The following TMEM19 variants were observed in gnomAD, a reference collection of about 807,000 sequenced individuals.
The protein encoded by TMEM19 is transmembrane protein 19.
TMEM19 carries 21 observed loss-of-function variants against 33.6 expected under a neutral mutation model. The ratio of observed to expected loss-of-function variants is 0.62; its 90% CI spans 0.44 to 0.90. TMEM19 has a LOEUF of 0.90. TMEM19 is among the 40% of genes least tolerant of loss of function. The pLI is 0.00. For synonymous variants in TMEM19, 149 were observed against 147.5 expected (o/e 1.01, Z -0.07); for missense variants, 402 against 401.8 (o/e 1.00, Z 0.00).
chr12:71,691,045 C>T (rs189445805), intron 2 of TMEM19, among the ~76,000 whole-genome samples: 25 of 152,256 alleles, frequency 1.6e-4, no homozygotes, highest in African/African-American at 6.0e-4. Context: ...CCCCTTATTT[C>T]ATTTTTAGGG....
chr12:71,700,991 G>A lies in TMEM19; in HGVS notation c.1007G>A (p.Gly336Glu), dbSNP rs1881969144. Residue 336 changes from glycine to glutamate, a missense_variant, in exon 6 of 6, where the codon GGG (glycine) becomes GAG (glutamate). By Grantham distance (98) the Gly-to-Glu change is moderately conservative. Transcript: ENST00000266673. ...PTAAWGFWPR[G>E] ...GCTGCTTGGGGTTTTTGGCCCAGGG[G>A]GTGAACTTTATTTCATTTCCACAGG... 2 of 1,604,944 alleles carry A rather than the reference G, an allele frequency of 1.2e-6. No individual in the cohort carries two copies. The highest frequency in any genetic ancestry group is 8.5e-7 in the Non-Finnish European group (1 of 1,176,006).
At chr12:71,698,872 G>C (rs749524172) in intron 4 of TMEM19, 28 bp from the exon 5 acceptor site, 1 of 1,607,582 alleles carries the variant, frequency 6.2e-7, no homozygotes, top group Non-Finnish European at 8.5e-7. Flanking sequence ...TTATTAACCG[G>C]ATGATTTTCT....
Position 71,697,393 on chromosome 12 carries a change from CAGT to C in TMEM19, c.498_500del (p.Gln166_Tyr167delinsHis). 2 of 1,610,990 alleles carry C rather than the reference CAGT, an allele frequency of 1.2e-6. No individual in the cohort carries two copies. The highest frequency in any genetic ancestry group is 2.2e-5 in the South Asian group (2 of 90,410). ...GGAAATCCCAGTCGATTTTTCCAAG[CAGT>C]ACTCCGCTTCCTGGATGTGTTTGTC... is the stretch of plus-strand genomic sequence containing the variant. On this transcript the variant is annotated inframe_deletion, in exon 4 of 6. Transcript: ENST00000266673.
Position 71,701,049 on chromosome 12 carries a change from T to C in TMEM19, c.*54T>C. ...TGGTGAGTCCAGCTAAATTTGCAAT[T>C]CCAACTTTCATCCTAAGAATAATAA... is the stretch of plus-strand genomic sequence containing the variant. On this transcript the variant is annotated 3_prime_UTR_variant, in exon 6 of 6. Transcript: ENST00000266673. 6.8e-7 allele frequency: 1 copy of C among 1,470,464 alleles called. No homozygotes were observed. Among genetic ancestry groups the C allele is most frequent in the East Asian group, 2.4e-5 (1 of 41,438 alleles). 91.1% of individuals were successfully genotyped at this position (1,470,464 alleles called of 1,614,324 possible).
At position 71,686,827 on chromosome 12, in the gene TMEM19, T is replaced by C. The variant is rs762972185; in HGVS notation, c.130+17T>C. The C allele has an allele frequency of 6.3e-7, 1 of 1,587,338 alleles. No individual in the cohort carries two copies. Among genetic ancestry groups the C allele is most frequent in the Non-Finnish European group, 8.5e-7 (1 of 1,170,086 alleles). On this transcript the variant is annotated intron_variant, in intron 1 of 5. Coordinates refer to ENST00000266673, the MANE Select transcript of TMEM19 (RefSeq NM_018279.4). ...CCTATTATGGTAAGTCTGAGTGTTC[T>C]AAGTTGTTTCTCTGTAATCTAGTCA... is the stretch of plus-strand genomic sequence containing the variant.
Position 71,700,932 on chromosome 12 carries a change from T to C in TMEM19, c.948T>C (p.Phe316=), listed in dbSNP as rs775158726. ...TTGATAACAACGCAGTGAATCTGTT[T>C]TCTTCTGTTCTTATTGCCCTCTTGC... ...PILDNNAVNL[F]SSVLIALLLP... The change falls in exon 6 of 6, where the codon TTT becomes TTC. Residue 316 remains phenylalanine (F), a synonymous_variant. Transcript: ENST00000266673. 2 of 1,613,638 alleles carry C rather than the reference T, an allele frequency of 1.2e-6. No homozygotes were observed. The highest frequency in any genetic ancestry group is 1.7e-6 in the Non-Finnish European group (2 of 1,179,780).
At chr12:71,700,802 C>G in intron 5 of TMEM19, 30 bp from the exon 6 acceptor site, 1 of 1,495,424 alleles carries the variant, frequency 6.7e-7, no homozygotes, top group East Asian at 2.4e-5. Context: ...TTTGGGTTTT[C>G]TATCTCACTT....
rs1166448531 is a variant in TMEM19, at chr12:71,701,700, C to T, written c.*705C>T. On this transcript the variant is annotated 3_prime_UTR_variant, in exon 6 of 6. Transcript: ENST00000266673. ...TTATATCTAAAAAATATATAACTTA[C>T]TATATGTTTCAGTTGCTCTCTGAAC... The T allele has an allele frequency of 6.6e-6, 1 of 152,112 alleles. No individual in the cohort carries two copies. The highest frequency in any genetic ancestry group is 1.9e-4 in the East Asian group (1 of 5,198). 9.4% of individuals were successfully genotyped at this position (152,112 alleles called of 1,614,324 possible).
chr12:71,699,936 A>G (rs1388014014), intron 5 of TMEM19: 1 of 152,204 alleles, frequency 6.6e-6, no homozygotes, highest in Non-Finnish European at 1.5e-5. Flanking sequence ...CTCCCATCCT[A>G]TCAGTGTACT....
intron 5 of TMEM19, 44 bp from the exon 6 acceptor site, chr12:71,700,788 G>A (rs374677206): frequency 8.3e-5 from 119 of 1,438,792 alleles, no homozygotes; most frequent in Non-Finnish European, 1.0e-4. Context: ...AAAAAATGAA[G>A]TCATTTGGGT....
chr12:71,693,849 C>T (rs961517715), intron 2 of TMEM19, among the ~76,000 whole-genome samples: 1 of 152,138 alleles, frequency 6.6e-6, no homozygotes, highest in African/African-American at 2.4e-5. Context: ...ACACAAGCCC[C>T]CTTGCCTGCC....
intron 2 of TMEM19, among the ~76,000 whole-genome samples, chr12:71,695,437 T>C (rs183164911): frequency 1.7e-4 from 26 of 152,312 alleles, no homozygotes; most frequent in Non-Finnish European, 2.8e-4. Context: ...GGGGAGACAC[T>C]TTGACTTTCA....
At chr12:71,697,568 A>G in intron 4 of TMEM19, 34 bp downstream of exon 4, 5 of 1,550,146 alleles carry the variant, frequency 3.2e-6, no homozygotes, top group Non-Finnish European at 3.4e-6. Context: ...CCATTGGTAG[A>G]CACAGTTGGT....
intron 5 of TMEM19, 110 bp downstream of exon 5, chr12:71,699,219 G>A (rs1881934852): frequency 8.5e-7 from 1 of 1,180,074 alleles, no homozygotes; most frequent in Middle Eastern, 2.3e-4. Context: ...GGGTGTTGAG[G>A]GACTAGAAAT....
intron 2 of TMEM19, among the ~76,000 whole-genome samples, chr12:71,691,140 A>G (rs1422785718): frequency 1.3e-5 from 2 of 152,286 alleles, no homozygotes; most frequent in Non-Finnish European, 2.9e-5. Flanking sequence ...GCTTGTAACT[A>G]TTATTATTAG....
intron 2 of TMEM19, 32 bp downstream of exon 2, chr12:71,689,736 T>G (rs967255220): frequency 1.4e-6 from 2 of 1,412,524 alleles, no homozygotes; most frequent in African/African-American, 2.9e-5. Flanking sequence ...TTACAGTAAC[T>G]ACTAAGTGCT....
At chr12:71,690,572 G>C (rs1481970369) in intron 2 of TMEM19, 1 of 152,106 alleles carries the variant, frequency 6.6e-6, no homozygotes, top group African/African-American at 2.4e-5. Flanking sequence ...ATATTCTTTA[G>C]GGCAGATAGA....
chr12:71,699,438 T>C (rs1279159746), intron 5 of TMEM19: 1 of 454,340 alleles, frequency 2.2e-6, no homozygotes, highest in Non-Finnish European at 3.9e-6. Context: ...ATTCCTTCCA[T>C]TCATTTTCCT....
intron 2 of TMEM19, among the ~76,000 whole-genome samples, chr12:71,694,687 G>A (rs1881841418): frequency 6.6e-6 from 1 of 152,196 alleles, no homozygotes; most frequent in African/African-American, 2.4e-5. Context: ...ACAAATCAAA[G>A]GTTCCCCTCC....
Sources: gnomAD v4.1 joint callset for allele counts (sites outside exome capture counted in the v4.1 genomes callset) on GRCh38, gnomAD v4.1.1 for gene constraint, MANE v1.5 for transcripts, NCBI Gene and HGNC (gene_info 2026-07-23, HGNC 2026-07-21) for gene names.